BLVRA: variants seen among roughly 807,000 people sequenced by gnomAD.
BLVRA encodes biliverdin reductase A, also known as BVR A.
Under a neutral mutation model 32.8 loss-of-function variants are expected in BLVRA, and 22 were observed. The ratio of observed to expected loss-of-function variants is 0.67; its 90% CI spans 0.48 to 0.96. The LOEUF (loss-of-function observed/expected upper bound fraction) is 0.96, where lower values mean the gene tolerates loss of function less well. BLVRA is among the 40% of genes least tolerant of loss of function. BLVRA has a pLI of 0.00. For synonymous variants in BLVRA, 119 were observed against 141.3 expected (o/e 0.84, Z 1.12); for missense variants, 323 against 358.1 (o/e 0.90, Z 0.79).
rs150510955 is a variant in BLVRA, at chr7:43,779,539, A to T, written c.13-8365A>T. 9.5e-3 allele frequency among the ~76,000 whole-genome samples: 1,440 copies of T among 152,344 alleles called. 12 individuals carry two copies. The highest frequency in any genetic ancestry group is 0.014 in the Non-Finnish European group (973 of 68,032). ...CAGGCTACAGAATGGAAAACAGCCAAAAGTAAGTCTCCCTATTACGTTATC... is the reference window on the plus strand; with the variant it reads ...CAGGCTACAGAATGGAAAACAGCCATAAGTAAGTCTCCCTATTACGTTATC... On this transcript the variant is annotated intron_variant, in intron 2 of 7. Transcript: ENST00000265523.
chr7:43,798,134 C>T (rs7785330), intron 5 of BLVRA, among the ~76,000 whole-genome samples: 1,735 of 127,408 alleles, frequency 0.014, 41 homozygotes, highest in African/African-American at 0.05. Context: ...GCACAGTTTG[C>T]AGTGAGACGA....
At chr7:43,803,888 C>A (rs777993669) in intron 7 of BLVRA, 41 bp downstream of exon 7, 11 of 1,607,602 alleles carry the variant, frequency 6.8e-6, no homozygotes, top group Non-Finnish European at 8.5e-6. Flanking sequence ...AATTTAAGGA[C>A]ATCCTAGTAC....
At chr7:43,758,492 G>A (rs2095738589), upstream of BLVRA, among the ~76,000 whole-genome samples, 1 of 143,788 alleles carries the variant, frequency 7.0e-6, no homozygotes, top group Non-Finnish European at 1.6e-5. Flanking sequence ...CGGTTCTTAC[G>A]GCCCCAGGCG....
At chr7:43,760,956 A>G (rs1432036077) in intron 1 of BLVRA, among the ~76,000 whole-genome samples, 1 of 152,142 alleles carries the variant, frequency 6.6e-6, no homozygotes, top group East Asian at 1.9e-4. Flanking sequence ...TTTAGTAGAG[A>G]CAGGGTTTTG....
chr7:43,767,392 G>T lies in BLVRA; in HGVS notation c.-21-3746G>T, dbSNP rs1398996221. ...ACTGAAGACGCTCCTGTTCTTCACA[G>T]CTTTAATGATCACTGTTCCTATCGG... On this transcript the variant is annotated intron_variant, in intron 1 of 7. Transcript: ENST00000265523. 8 of 1,601,220 alleles carry T rather than the reference G, an allele frequency of 5.0e-6. No homozygotes were observed. The East Asian group carries it at 1.3e-4, about 27-fold the overall frequency.
intron 2 of BLVRA, among the ~76,000 whole-genome samples, chr7:43,773,210 C>T (rs141732764): frequency 0.011 from 1,604 of 152,030 alleles, 32 homozygotes; most frequent in African/African-American, 0.037. Flanking sequence ...CATATGTATA[C>T]ATGTGCCATG....
chr7:43,788,175 G>A lies in BLVRA; in HGVS notation c.134+150G>A, dbSNP rs535577617. 9.8e-6 allele frequency: 14 copies of A among 1,423,738 alleles called. No individual in the cohort carries two copies. In the East Asian group the frequency reaches 2.8e-4, roughly 29 times the overall value. 88.2% of individuals were successfully genotyped at this position (1,423,738 alleles called of 1,614,324 possible). On this transcript the variant is annotated intron_variant, in intron 3 of 7. Coordinates refer to ENST00000265523, the MANE Select transcript of BLVRA (RefSeq NM_000712.4). ...TAGGGTCAGCCCCATAAGATCTCAGGTTGGGATGGGTCTGGGAACTGAAGC... is the reference window on the plus strand; with the variant it reads ...TAGGGTCAGCCCCATAAGATCTCAGATTGGGATGGGTCTGGGAACTGAAGC...
intron 7 of BLVRA, among the ~76,000 whole-genome samples, chr7:43,806,656 GA>G (rs1397488468): frequency 6.6e-6 from 1 of 152,014 alleles, no homozygotes; most frequent in Non-Finnish European, 1.5e-5. Flanking sequence ...GCTGAGGCAG[GA>G]AAATTGCTTG....
At chr7:43,803,596 C>T (rs770971352) in intron 6 of BLVRA, 80 bp from the exon 7 acceptor site, 10 of 1,421,598 alleles carry the variant, frequency 7.0e-6, no homozygotes, top group Admixed American at 6.8e-5. Flanking sequence ...TTCACACCCC[C>T]GCCACCCCCA....
At chr7:43,804,800 AG>A (rs1266648198) in intron 7 of BLVRA, among the ~76,000 whole-genome samples, 1 of 152,214 alleles carries the variant, frequency 6.6e-6, no homozygotes, top group Non-Finnish European at 1.5e-5. Flanking sequence ...TAGAACAGTA[AG>A]GGTTTTAGAG....
intron 2 of BLVRA, among the ~76,000 whole-genome samples, chr7:43,777,541 G>T (rs1258621780): frequency 6.6e-6 from 1 of 151,128 alleles, no homozygotes; most frequent in Non-Finnish European, 1.5e-5. Context: ...TCCCTTTGTG[G>T]ATAACCCGAC....
intron 1 of BLVRA, among the ~76,000 whole-genome samples, chr7:43,761,336 A>G (rs2095742033): frequency 6.6e-6 from 1 of 152,194 alleles, no homozygotes. Context: ...TTCCAGGGGA[A>G]AAAAAGAATG....
chr7:43,800,571 A>C lies in BLVRA; in HGVS notation c.459A>C (p.Thr153=). 1 of 1,613,526 alleles carries C rather than the reference A, an allele frequency of 6.2e-7. No individual in the cohort carries two copies. Among genetic ancestry groups the C allele is most frequent in the Non-Finnish European group, 8.5e-7 (1 of 1,179,510 alleles). ...TGCTGAAAGGGTCGCTCCTCTTCAC[A>C]GGTCAGTGCTACGTGGGATCACAGG... is the stretch of plus-strand genomic sequence containing the variant. ...KDLLKGSLLF[T]AGPLEEERFG... is the part of the protein sequence containing the mutation. Residue 153 remains threonine, a splice_region_variant and synonymous_variant, in exon 6 of 8, where the codon ACA becomes ACC. Coordinates refer to ENST00000265523, the MANE Select transcript of BLVRA (RefSeq NM_000712.4).
chr7:43,798,100 A>G (rs1044072508), intron 5 of BLVRA, among the ~76,000 whole-genome samples: 8 of 145,754 alleles, frequency 5.5e-5, no homozygotes, highest in Non-Finnish European at 1.2e-4. Flanking sequence ...AGGCTGAGGC[A>G]GGAGAATTTC....
intron 3 of BLVRA, among the ~76,000 whole-genome samples, chr7:43,789,459 A>G (rs2095782685): frequency 6.6e-6 from 1 of 152,158 alleles, no homozygotes; most frequent in African/African-American, 2.4e-5. Context: ...ATAAGATTCC[A>G]AGGGAGCTGC....
chr7:43,773,969 C>T (rs1485212995), intron 2 of BLVRA, among the ~76,000 whole-genome samples: 1 of 152,066 alleles, frequency 6.6e-6, no homozygotes, highest in East Asian at 1.9e-4. Context: ...ATCCTTCGCC[C>T]ACTTTTTGAT....
intron 4 of BLVRA, chr7:43,791,891 A>G (rs1397552874): frequency 6.0e-6 from 1 of 165,758 alleles, no homozygotes; most frequent in Non-Finnish European, 1.3e-5. Context: ...AGGTTCTTAC[A>G]GCTGCTCCCA....
chr7:43,798,170 G>T (rs2095794779), intron 5 of BLVRA, among the ~76,000 whole-genome samples: 1 of 134,638 alleles, frequency 7.4e-6, no homozygotes, highest in Non-Finnish European at 1.5e-5. Flanking sequence ...CTCCAGCCTG[G>T]GTGACAGAGG....
At chr7:43,761,159 G>A (rs2095741817) in intron 1 of BLVRA, among the ~76,000 whole-genome samples, 1 of 152,160 alleles carries the variant, frequency 6.6e-6, no homozygotes, top group Non-Finnish European at 1.5e-5. Context: ...TGAACTCTCA[G>A]GAACAGTGAC....
Sources: allele counts gnomAD v4.1 joint callset (sites outside exome capture counted in the v4.1 genomes callset), GRCh38; gene constraint gnomAD v4.1.1; transcripts MANE v1.5; gene names NCBI Gene and HGNC (gene_info 2026-07-23, HGNC 2026-07-21).